Variants in DOCK6 observed in about 807,000 individuals in gnomAD.
DOCK6 encodes the protein dedicator of cytokinesis protein 6.
DOCK6 carries 167 observed loss-of-function variants against 230.3 expected under a neutral mutation model. The observed-to-expected ratio is 0.73, with a 90% confidence interval of 0.64 to 0.82. The LOEUF is 0.82. DOCK6 is among the 40% of genes least tolerant of loss of function. The pLI is 0.00. For synonymous variants in DOCK6, 1,148 were observed against 1,185.0 expected, an observed-to-expected ratio of 0.97 and a Z score of 0.64; for missense variants, 2,598 against 2,825.8, an observed-to-expected ratio of 0.92 and a Z score of 1.83.
chr19:11,202,799 G>T lies in DOCK6; in HGVS notation c.5236-90C>A, dbSNP rs191613325. The T allele has an allele frequency of 3.8e-5, 60 of 1,592,648 alleles. No individual in the cohort carries two copies. In the African/African-American group the frequency reaches 7.1e-4, roughly 19 times the overall value. ...GATAGGTGTCTCGAATATCAGGATG[G>T]GAGTGTGAGGACCCCGAGAACATCA... On this transcript the variant is annotated intron_variant, in intron 41 of 47. Coordinates refer to ENST00000294618, the MANE Select transcript of DOCK6 (RefSeq NM_020812.4). This position sits in a 1 kb window ranked among gnomAD's most constrained non-coding sequence, Gnocchi z 5.3.
intron 14 of DOCK6, chr19:11,240,108 A>C: frequency 6.4e-7 from 1 of 1,551,394 alleles, no homozygotes; most frequent in Middle Eastern, 1.7e-4. Context: ...TGGACATCCT[A>C]CTAGTGACCC....
In DOCK6 at chr19:11,200,692, C is replaced by G. The variant is rs763459448; in HGVS notation, c.5939+24G>C. ...ATGCAGGTTAGGCAGACACGAGACC[C>G]CTCCTGGGGGGTTTTGCGCCTACTT... On this transcript the variant is annotated intron_variant, in intron 46 of 47. Coordinates refer to ENST00000294618, the MANE Select transcript of DOCK6 (RefSeq NM_020812.4). The surrounding 1 kb of genome is among the most constrained non-coding windows in gnomAD (Gnocchi z 4.3). 1.3e-6 allele frequency: 2 copies of G among 1,598,706 alleles called. No homozygotes were observed. Among genetic ancestry groups the G allele is most frequent in the African/African-American group, 2.7e-5 (2 of 74,696 alleles).
rs760839306 is a variant in DOCK6 at position 11,213,176 on chromosome 19, G to A, written c.4491C>T (p.His1497=). 51 of 1,611,170 alleles carry A rather than the reference G, an allele frequency of 3.2e-5. 1 individual carries two copies. In the South Asian group the frequency reaches 4.3e-4, roughly 14 times the overall value. The change falls in exon 35 of 48, where the codon CAC becomes CAT. Residue 1497 remains histidine (H), a splice_region_variant and synonymous_variant. Transcript: ENST00000294618. ...LLMRQNFEIG[H]NFARVKMQVT... is the part of the protein sequence containing the mutation. ...ACCATGCCTCCTAGCCCCCACTCACGTGGCCGATCTCGAAGTTCTGTCGCA... is the reference window on the plus strand; with the variant it reads ...ACCATGCCTCCTAGCCCCCACTCACATGGCCGATCTCGAAGTTCTGTCGCA...
At chr19:11,237,601 C>T (rs780483125) in intron 17 of DOCK6, 40 bp downstream of exon 17, 15 of 938,246 alleles carry the variant, frequency 1.6e-5, no homozygotes, top group African/African-American at 9.9e-5. Flanking sequence ...GGTTGGGGGA[C>T]GAGGAGGGCT....
Position 11,251,052 on chromosome 19 carries a change from T to A in DOCK6, c.542A>T (p.Asp181Val), listed in dbSNP as rs746677709. Residue 181 changes from aspartate (D) to valine (V), a missense_variant, in exon 6 of 48, where the codon GAC (aspartate) becomes GTC (valine). Physicochemically the swap from Asp to Val is radical, Grantham distance 152. Coordinates refer to ENST00000294618, the MANE Select transcript of DOCK6 (RefSeq NM_020812.4). ...DSRRGSGSPEDTPRSSGASSI... is the reference protein window; with the variant it reads ...DSRRGSGSPEVTPRSSGASSI... ...AGAGGCACCACTGCTTCGAGGGGTGTCTTCCGGGGAGCCCGAGCCACGCCG... is the reference window on the plus strand; with the variant it reads ...AGAGGCACCACTGCTTCGAGGGGTGACTTCCGGGGAGCCCGAGCCACGCCG... The A allele has an allele frequency of 3.1e-6, 5 of 1,613,150 alleles. No individual in the cohort carries two copies. The Admixed American group carries it at 8.3e-5, about 27-fold the overall frequency.
intron 39 of DOCK6, among the ~76,000 whole-genome samples, chr19:11,205,641 C>A (rs8110433): frequency 0.53 from 80,334 of 151,176 alleles, 21,719 homozygotes; most frequent in Non-Finnish European, 0.6. Context: ...CTGCACCCAG[C>A]CATATTTGTA....
intron 32 of DOCK6, 35 bp from the exon 33 acceptor site, chr19:11,214,684 G>A (rs200905513): frequency 2.2e-5 from 35 of 1,595,974 alleles, no homozygotes; most frequent in African/African-American, 4.0e-5. Flanking sequence ...GGGCCCACTC[G>A]GGGTGAGATC....
chr19:11,217,014 T>G lies in DOCK6; in HGVS notation c.3794A>C (p.Glu1265Ala), dbSNP rs1166230479. The G allele has an allele frequency of 1.2e-6, 2 of 1,613,450 alleles. No homozygotes were observed. Among genetic ancestry groups the G allele is most frequent in the Admixed American group, 1.7e-5 (1 of 59,980 alleles). Residue 1265 changes from glutamate to alanine, a missense_variant, in exon 30 of 48, where the codon GAG (glutamate) becomes GCG (alanine). By Grantham distance (107) the Glu-to-Ala change is moderately radical (BLOSUM62 -1). Transcript: ENST00000294618. ...ACVLWVLKNT[E>A]PALLQRWATD... ...GGCCCAGCGCTGCAGGAGCGCCGGC[T>G]CGGTGTTTTTCAGCACCCACAGCAC...
At chr19:11,215,191 C>G (rs566884129) in intron 32 of DOCK6, among the ~76,000 whole-genome samples, 196 bp downstream of exon 32, 1 of 152,042 alleles carries the variant, frequency 6.6e-6, no homozygotes, top group East Asian at 1.9e-4. Context: ...GATCCGCCTG[C>G]CTCGGCCTCC....
At chr19:11,220,145 G>A (rs539097379) in intron 28 of DOCK6, among the ~76,000 whole-genome samples, 16 of 151,916 alleles carry the variant, frequency 1.1e-4, no homozygotes, top group South Asian at 4.2e-4. Flanking sequence ...GGACAGACAG[G>A]GTTTTACCAT....
intron 22 of DOCK6, chr19:11,232,260 A>G: frequency 7.8e-7 from 1 of 1,289,690 alleles, no homozygotes; most frequent in Non-Finnish European, 1.0e-6. Flanking sequence ...CATAAGCGGA[A>G]TTCACCCAGG....
chr19:11,226,675 C>A (rs927126435), intron 24 of DOCK6, among the ~76,000 whole-genome samples: 37 of 152,074 alleles, frequency 2.4e-4, no homozygotes, highest in African/African-American at 7.2e-4. Flanking sequence ...AAAACAACAA[C>A]AAAAAAATGA....
rs2079448786 is a variant in DOCK6, at chr19:11,214,569, A to G, written c.4187T>C (p.Leu1396Pro). ...TEASLVVLDTLEIIVQTVMLS... is the reference protein window; with the variant it reads ...TEASLVVLDTPEIIVQTVMLS... ...AAGCCCTACCTGCACGATGATCTCC[A>G]GTGTGTCCAGAACCACTAGGCTTGC... Residue 1396 changes from leucine to proline, a missense_variant, in exon 33 of 48, where the codon CTG becomes CCG. Transcript: ENST00000294618. 3 of 1,613,888 alleles carry G rather than the reference A, an allele frequency of 1.9e-6. No individual in the cohort carries two copies. The highest frequency in any genetic ancestry group is 2.5e-6 in the Non-Finnish European group (3 of 1,179,884).
intron 41 of DOCK6, chr19:11,203,614 G>A (rs1357893457): frequency 4.1e-5 from 7 of 172,348 alleles, no homozygotes; most frequent in Non-Finnish European, 8.6e-5. Context: ...GGGGGGGCTG[G>A]AGCGGGAGGA....
Position 11,215,941 on chromosome 19 carries a change from G to T in DOCK6, c.3895-14C>A. The stretch of plus-strand genomic sequence containing the variant: ...GGCCTTTTTCCCCTGGGGGTGCAGA[G>T]AACTGGGGTTCCAGGCTGACTCTGC... On this transcript the variant is annotated splice_polypyrimidine_tract_variant and intron_variant, in intron 30 of 47. Transcript: ENST00000294618. 6.2e-7 allele frequency: 1 copy of T among 1,613,660 alleles called. No homozygotes were observed. The highest frequency in any genetic ancestry group is 8.5e-7 in the Non-Finnish European group (1 of 1,179,770).
chr19:11,258,381 TG>T (rs2080229350), intron 1 of DOCK6, among the ~76,000 whole-genome samples: 2 of 151,974 alleles, frequency 1.3e-5, no homozygotes, highest in South Asian at 4.1e-4. Context: ...CTCATTTCCT[TG>T]CCCTTTGCTT....
rs761977382 is a variant in DOCK6 at position 11,252,559 on chromosome 19, AAAG to A, written c.309-12_309-10del. Reference sequence around the variant, plus strand: ...CCTGGGCATCCAGTTTTCTGCAGCAAAAGAAGATCAGGGTAAACAGAGACAAGG... The same window carrying A: ...CCTGGGCATCCAGTTTTCTGCAGCAAAAGATCAGGGTAAACAGAGACAAGG... On this transcript the variant is annotated splice_polypyrimidine_tract_variant and intron_variant, in intron 3 of 47. Transcript: ENST00000294618. 5.6e-6 allele frequency: 9 copies of A among 1,613,794 alleles called. No homozygotes were observed. The highest frequency in any genetic ancestry group is 1.7e-5 in the Admixed American group (1 of 60,008).
intron 23 of DOCK6, 176 bp downstream of exon 23, chr19:11,228,764 G>A (rs1003614649): frequency 1.1e-4 from 58 of 544,020 alleles, no homozygotes; most frequent in East Asian, 2.6e-4. Context: ...GGGTTTCACC[G>A]TGTTAGCCAG....
chr19:11,200,188 T>C lies in DOCK6; in HGVS notation c.6101+120A>G, dbSNP rs1600836471. On this transcript the variant is annotated intron_variant, in intron 47 of 47. Coordinates refer to ENST00000294618, the MANE Select transcript of DOCK6 (RefSeq NM_020812.4). The surrounding 1 kb of genome is among the most constrained non-coding windows in gnomAD (Gnocchi z 4.3). ...AAAAAAAACCGGAAACAAAACAAAG[T>C]CCAAGCTACCAGCAAACATGTTGCT... 9.3e-7 allele frequency: 1 copy of C among 1,080,858 alleles called. No homozygotes were observed. 67.0% of individuals were successfully genotyped at this position (1,080,858 alleles called of 1,614,324 possible).
Sources: allele counts gnomAD v4.1 joint callset (sites outside exome capture counted in the v4.1 genomes callset), GRCh38; gene constraint gnomAD v4.1.1; non-coding constraint Gnocchi (gnomAD v3.1); transcripts MANE v1.5; gene names NCBI Gene and HGNC (gene_info 2026-07-23, HGNC 2026-07-21).